Variants in CACNB2 observed in about 807,000 individuals in gnomAD.
CACNB2 encodes calcium voltage-gated channel auxiliary subunit beta 2.
In CACNB2, 42 loss-of-function variants were observed where a neutral mutation model predicts 73.3. That is an observed-to-expected ratio of 0.57 (90% CI 0.45 to 0.74). CACNB2 has a LOEUF of 0.74. Ranked by LOEUF, CACNB2 falls within the 30% of genes least tolerant of loss-of-function variation. The probability of loss-of-function intolerance (pLI) is 0.00; values close to 1 mark genes in which losing one functional copy is unlikely to be tolerated. For missense variants in CACNB2, 940 were observed against 853.0 expected, an observed-to-expected ratio of 1.10 and a Z score of -1.27; for synonymous variants, 348 against 310.3, an observed-to-expected ratio of 1.12 and a Z score of -1.28.
chr10:18,468,881 G>A (rs1306830795), intron 3 of CACNB2, among the ~76,000 whole-genome samples: 2 of 152,200 alleles, frequency 1.3e-5, no homozygotes, highest in African/African-American at 4.8e-5. Context: ...TTACAGGCAT[G>A]AGCCACCATG....
intron 2 of CACNB2, among the ~76,000 whole-genome samples, chr10:18,310,123 C>T (rs1222526485): frequency 6.6e-6 from 1 of 151,802 alleles, no homozygotes; most frequent in Non-Finnish European, 1.5e-5. Context: ...TTGCGTGCTA[C>T]AGGTTTATTT....
chr10:18,268,461 G>C (rs1237442609), intron 2 of CACNB2, among the ~76,000 whole-genome samples: 1 of 152,202 alleles, frequency 6.6e-6, no homozygotes, highest in Non-Finnish European at 1.5e-5. Flanking sequence ...GGCTAGATTT[G>C]TATAGACTTA....
At chr10:18,516,464 G>T (rs1165793832) in intron 7 of CACNB2, among the ~76,000 whole-genome samples, 1 of 152,142 alleles carries the variant, frequency 6.6e-6, no homozygotes, top group African/African-American at 2.4e-5. Flanking sequence ...TTAAAGTCTT[G>T]AGATAAAATT....
At chr10:18,326,944 G>A (rs1359217615) in intron 2 of CACNB2, among the ~76,000 whole-genome samples, 2 of 152,048 alleles carry the variant, frequency 1.3e-5, no homozygotes, top group Non-Finnish European at 2.9e-5. Context: ...GCCCTTGCTG[G>A]TCTTGAACTC....
chr10:18,153,558 T>TTTTATTTA (rs1257955558), intron 2 of CACNB2, among the ~76,000 whole-genome samples: 1 of 117,774 alleles, frequency 8.5e-6, no homozygotes, highest in Non-Finnish European at 1.7e-5. Context: ...GCACACTAGA[T>TTTTATTTA]TTTACTTATT....
In CACNB2 at chr10:18,177,413, G is replaced by T. The variant is rs1310208568; in HGVS notation, c.213+26438G>T. 2.0e-5 allele frequency among the ~76,000 whole-genome samples: 3 copies of T among 150,694 alleles called. No individual in the cohort carries two copies. In the South Asian group the frequency reaches 6.3e-4, roughly 32 times the overall value. On this transcript the variant is annotated intron_variant, in intron 2 of 13. Transcript: ENST00000324631. ...AGTGGGTGGATCACTTGAGGTGAGG[G>T]GTTTGAGACCAGCCTGGCCAACGTG...
At chr10:18,383,860 C>T (rs1004547009) in intron 2 of CACNB2, among the ~76,000 whole-genome samples, 2 of 152,122 alleles carry the variant, frequency 1.3e-5, no homozygotes, top group Non-Finnish European at 2.9e-5. Flanking sequence ...CACACACCAC[C>T]ACGCCCGGCT....
chr10:18,308,938 C>G (rs968463861), intron 2 of CACNB2, among the ~76,000 whole-genome samples: 3 of 152,078 alleles, frequency 2.0e-5, no homozygotes, highest in African/African-American at 4.8e-5. Context: ...TTAAAGCAGT[C>G]ATATTTGAAT....
At chr10:18,370,182 C>G (rs960955563) in intron 2 of CACNB2, among the ~76,000 whole-genome samples, 1 of 152,228 alleles carries the variant, frequency 6.6e-6, no homozygotes, top group Admixed American at 6.5e-5. Context: ...ATTTAAATAG[C>G]CACACTTGTG....
intron 6 of CACNB2, among the ~76,000 whole-genome samples, chr10:18,507,389 C>G (rs914312155): frequency 1.3e-5 from 2 of 152,088 alleles, no homozygotes; most frequent in Non-Finnish European, 2.9e-5. Context: ...GTGGGTTCAT[C>G]CTAATGGTTG....
chr10:18,385,284 GA>G lies in CACNB2; in HGVS notation c.214-16630del, dbSNP rs1249416987. On this transcript the variant is annotated intron_variant, in intron 2 of 13. Transcript: ENST00000324631. ...AGCAACAGAGAGAGACTCTAAGAAG[GA>G]AAAAAAAAACGGTTGCCTTATCCCA... Among the ~76,000 whole-genome samples, 277 of 136,500 alleles carry G rather than the reference GA, an allele frequency of 2.0e-3. 1 individual carries two copies. The highest frequency in any genetic ancestry group is 6.8e-3 in the African/African-American group (249 of 36,692). The allele number at this position is 136,500 out of a possible 152,430, so 89.5% of individuals were successfully genotyped here.
At chr10:18,363,765 G>C (rs1238038889) in intron 2 of CACNB2, among the ~76,000 whole-genome samples, 1 of 151,672 alleles carries the variant, frequency 6.6e-6, no homozygotes, top group Non-Finnish European at 1.5e-5. Flanking sequence ...AACCTCTCTG[G>C]AAATCAGTTC....
intron 3 of CACNB2, among the ~76,000 whole-genome samples, chr10:18,426,257 C>G (rs1245020351): frequency 6.6e-6 from 1 of 152,178 alleles, no homozygotes; most frequent in Non-Finnish European, 1.5e-5. Context: ...TAGGAACTAT[C>G]TCTCCATTAA....
At chr10:18,190,624 G>A (rs2034353650) in intron 2 of CACNB2, among the ~76,000 whole-genome samples, 1 of 152,200 alleles carries the variant, frequency 6.6e-6, no homozygotes, top group Admixed American at 6.5e-5. Context: ...CAACCTCCCA[G>A]ATATTGTACT....
rs1227616948 is a variant in CACNB2 at position 18,162,550 on chromosome 10, G to C, written c.213+11575G>C. Among the ~76,000 whole-genome samples the C allele has an allele frequency of 4.6e-5, 7 of 152,174 alleles. No individual in the cohort carries two copies. In the East Asian group the frequency reaches 1.3e-3, roughly 29 times the overall value. The stretch of plus-strand genomic sequence containing the variant: ...GAATGTGTTTAAGGAGTAAAGTCTA[G>C]AAATCTCTAGGAAATATTTCTCTGT... On this transcript the variant is annotated intron_variant, in intron 2 of 13. Coordinates refer to ENST00000324631, the MANE Select transcript of CACNB2 (RefSeq NM_201596.3).
chr10:18,143,962 G>T (rs2030698012), intron 1 of CACNB2, among the ~76,000 whole-genome samples: 1 of 152,184 alleles, frequency 6.6e-6, no homozygotes, highest in African/African-American at 2.4e-5. Flanking sequence ...CAATCATTCT[G>T]TCTAGAGAGA....
chr10:18,414,538 G>A (rs956814867), intron 3 of CACNB2, among the ~76,000 whole-genome samples: 4 of 143,098 alleles, frequency 2.8e-5, no homozygotes, highest in African/African-American at 1.1e-4. Flanking sequence ...AGGCTGGAGC[G>A]CAGTGGCACA....
chr10:18,286,359 A>G (rs573029487), intron 2 of CACNB2, among the ~76,000 whole-genome samples: 118 of 152,146 alleles, frequency 7.8e-4, no homozygotes, highest in Non-Finnish European at 1.4e-3. Flanking sequence ...TACTAAAAAA[A>G]TACAAAAAAT....
At chr10:18,353,224 A>G (rs1272411853) in intron 2 of CACNB2, among the ~76,000 whole-genome samples, 1 of 152,174 alleles carries the variant, frequency 6.6e-6, no homozygotes, top group Non-Finnish European at 1.5e-5. Context: ...ACCCTGGCCA[A>G]GATGGTGAAA....
Sources: gnomAD v4.1 joint callset for allele counts (sites outside exome capture counted in the v4.1 genomes callset) on GRCh38, gnomAD v4.1.1 for gene constraint, MANE v1.5 for transcripts, NCBI Gene and HGNC (gene_info 2026-07-23, HGNC 2026-07-21) for gene names.